SLC44A5: variants seen among roughly 807,000 people sequenced by gnomAD.
The protein encoded by SLC44A5 is solute carrier family 44 member 5.
Under a neutral mutation model 101.8 loss-of-function variants are expected in SLC44A5, and 57 were observed. That is an observed-to-expected ratio of 0.56 (90% CI 0.45 to 0.70). The LOEUF (loss-of-function observed/expected upper bound fraction) is 0.70. Among genes scored for constraint, SLC44A5 ranks in the 30% least tolerant of loss-of-function variants. The pLI is 0.00. For missense variants in SLC44A5, 737 were observed against 853.1 expected, an observed-to-expected ratio of 0.86 and a Z score of 1.70; for synonymous variants, 281 against 290.9, an observed-to-expected ratio of 0.97 and a Z score of 0.35.
At chr1:75,296,655 C>G (rs1208360575) in intron 5 of SLC44A5, among the ~76,000 whole-genome samples, 2 of 152,082 alleles carry the variant, frequency 1.3e-5, no homozygotes, top group Non-Finnish European at 2.9e-5. Context: ...GCCCTGCCCC[C>G]CTGCTTCCAA....
intron 4 of SLC44A5, among the ~76,000 whole-genome samples, chr1:75,319,849 TAAGTA>T (rs1352915695): frequency 6.6e-6 from 1 of 152,134 alleles, no homozygotes; most frequent in African/African-American, 2.4e-5. Context: ...AAAATAGACT[TAAGTA>T]AAGGAAACAG....
At chr1:75,362,774 T>C (rs1259932473) in intron 3 of SLC44A5, among the ~76,000 whole-genome samples, 2 of 152,092 alleles carry the variant, frequency 1.3e-5, no homozygotes, top group African/African-American at 2.4e-5. Flanking sequence ...CCTAATCCTG[T>C]TGGACTGCAT....
intron 18 of SLC44A5, among the ~76,000 whole-genome samples, chr1:75,217,477 T>C (rs1431339874): frequency 6.6e-6 from 1 of 152,152 alleles, no homozygotes; most frequent in Admixed American, 6.6e-5. Context: ...TGAAGATTTA[T>C]GCCCGTGACA....
chr1:75,584,550 G>A (rs1372917954), intron 1 of SLC44A5, among the ~76,000 whole-genome samples: 2 of 152,090 alleles, frequency 1.3e-5, no homozygotes, highest in Non-Finnish European at 2.9e-5. Context: ...CATAAATACT[G>A]TGTTTGCTTT....
the SLC44A5 span, among the ~76,000 whole-genome samples, chr1:75,682,876 C>T: frequency 6.6e-6 from 1 of 152,080 alleles, no homozygotes; most frequent in Non-Finnish European, 1.5e-5. Flanking sequence ...GGCTAATATC[C>T]AGAATCTACA....
chr1:75,383,273 AC>A (rs947106871), intron 3 of SLC44A5, among the ~76,000 whole-genome samples: 1 of 129,060 alleles, frequency 7.7e-6, no homozygotes, highest in Non-Finnish European at 1.6e-5. Context: ...AGAAACACCC[AC>A]AAATGATGAA....
the SLC44A5 span, among the ~76,000 whole-genome samples, chr1:75,647,628 C>T: frequency 6.6e-6 from 1 of 152,206 alleles, no homozygotes; most frequent in South Asian, 2.1e-4. Context: ...CTGCTCAAGG[C>T]CATGGGAGCC....
At chr1:75,474,265 A>T (rs1342992650) in intron 2 of SLC44A5, among the ~76,000 whole-genome samples, 1 of 152,208 alleles carries the variant, frequency 6.6e-6, no homozygotes, top group Non-Finnish European at 1.5e-5. Context: ...CTTACTGTCG[A>T]TAGTAAATTT....
intron 2 of SLC44A5, among the ~76,000 whole-genome samples, chr1:75,461,548 T>C (rs1429730637): frequency 6.6e-6 from 1 of 152,194 alleles, no homozygotes; most frequent in Non-Finnish European, 1.5e-5. Flanking sequence ...CTAGCCACGG[T>C]GACTAAATAG....
chr1:75,674,713 C>T, the SLC44A5 span, among the ~76,000 whole-genome samples: 1 of 141,476 alleles, frequency 7.1e-6, no homozygotes, highest in Admixed American at 7.2e-5. Flanking sequence ...TGAAGTGCAC[C>T]TACAGGATCT....
intron 3 of SLC44A5, among the ~76,000 whole-genome samples, chr1:75,355,145 A>G (rs973897754): frequency 6.6e-6 from 1 of 152,208 alleles, no homozygotes; most frequent in African/African-American, 2.4e-5. Flanking sequence ...TTAACCAACA[A>G]AAATTTCCCA....
At chr1:75,691,066 C>G in the SLC44A5 span, among the ~76,000 whole-genome samples, 10 of 150,254 alleles carry the variant, frequency 6.7e-5, no homozygotes, top group African/African-American at 2.5e-4. Flanking sequence ...ACACATGCAC[C>G]CCCCCCTTTC....
chr1:75,256,618 G>T (rs1650042160), intron 6 of SLC44A5, among the ~76,000 whole-genome samples: 5 of 152,138 alleles, frequency 3.3e-5, no homozygotes, highest in Admixed American at 1.3e-4. Context: ...TTCTGTTGAA[G>T]TTCCAGAACT....
intron 2 of SLC44A5, among the ~76,000 whole-genome samples, chr1:75,528,857 G>A (rs1670570028): frequency 6.6e-6 from 1 of 152,076 alleles, no homozygotes; most frequent in African/African-American, 2.4e-5. Flanking sequence ...TGGTTTCTCA[G>A]AATGCTCTTT....
At chr1:75,723,287 TCA>T in the SLC44A5 span, among the ~76,000 whole-genome samples, 2 of 152,184 alleles carry the variant, frequency 1.3e-5, no homozygotes, top group Non-Finnish European at 2.9e-5. Context: ...CTCCTTTGTC[TCA>T]GTGTTGATTT....
At chr1:75,628,195 T>G in the SLC44A5 span, among the ~76,000 whole-genome samples, 4 of 152,208 alleles carry the variant, frequency 2.6e-5, no homozygotes, top group East Asian at 3.9e-4. Flanking sequence ...AGTTTCCCTC[T>G]GCCTCAGGCT....
chr1:75,622,893 A>G, the SLC44A5 span, among the ~76,000 whole-genome samples: 1 of 152,110 alleles, frequency 6.6e-6, no homozygotes, highest in Non-Finnish European at 1.5e-5. Flanking sequence ...TCATTCCCTC[A>G]TATATGAGTG....
At chr1:75,439,705 A>C (rs1665088937) in intron 2 of SLC44A5, among the ~76,000 whole-genome samples, 1 of 152,200 alleles carries the variant, frequency 6.6e-6, no homozygotes, top group South Asian at 2.1e-4. Flanking sequence ...AGAAACAAAG[A>C]GTAGATTTAA....
chr1:75,352,696 G>A (rs1460834989), intron 3 of SLC44A5, among the ~76,000 whole-genome samples: 1 of 152,120 alleles, frequency 6.6e-6, no homozygotes, highest in Non-Finnish European at 1.5e-5. Flanking sequence ...AAAATTGGTA[G>A]AAGTGTTTTC....
Sources: allele counts gnomAD v4.1 joint callset (sites outside exome capture counted in the v4.1 genomes callset), GRCh38; gene constraint gnomAD v4.1.1; transcripts MANE v1.5; gene names NCBI Gene and HGNC (gene_info 2026-07-23, HGNC 2026-07-21).